Variants in COX7B2 observed in about 807,000 individuals in gnomAD.
COX7B2 encodes cytochrome c oxidase subunit 7B2, mitochondrial.
For synonymous variants in COX7B2, 37 were observed against 32.1 expected, an observed-to-expected ratio of 1.15 and a Z score of -0.51; for missense variants, 109 against 95.9, an observed-to-expected ratio of 1.14 and a Z score of -0.57.
At chr4:46,836,549 T>C (rs1355714641) in intron 2 of COX7B2, among the ~76,000 whole-genome samples, 2 of 151,630 alleles carry the variant, frequency 1.3e-5, no homozygotes, top group Non-Finnish European at 2.9e-5. Context: ...TTCTGGAATA[T>C]CCTATGGAAT....
intron 1 of COX7B2, among the ~76,000 whole-genome samples, chr4:46,881,762 G>A (rs1366350379): frequency 6.6e-6 from 1 of 152,136 alleles, no homozygotes; most frequent in Non-Finnish European, 1.5e-5. Context: ...TTTGCCCTAA[G>A]CAGTTTCCAG....
Position 46,905,814 on chromosome 4 carries a change from C to CTTTTTTTTTTT in COX7B2, c.-105+3335_-105+3345dup, listed in dbSNP as rs761904309. Among the ~76,000 whole-genome samples the CTTTTTTTTTTT allele has an allele frequency of 1.1e-3, 80 of 71,686 alleles. 7 individuals are homozygous for CTTTTTTTTTTT. The highest frequency in any genetic ancestry group is 6.2e-3 in the East Asian group (13 of 2,086). 47.0% of individuals were successfully genotyped at this position (71,686 alleles called of 152,430 possible). A position where few individuals can be genotyped will look rare whatever the true frequency, so the allele number is the denominator to read the frequency against. On this transcript the variant is annotated intron_variant, in intron 1 of 2. Coordinates refer to ENST00000355591, the MANE Select transcript of COX7B2 (RefSeq NM_130902.3). The stretch of plus-strand genomic sequence containing the variant: ...TACCATCTCTGATAAGCATATATTT[C>CTTTTTTTTTTT]TTTTTTTTTTTTTTTTTTTTTTTTT...
chr4:46,740,334 G>A (rs1714630002), intron 2 of COX7B2, among the ~76,000 whole-genome samples: 1 of 152,024 alleles, frequency 6.6e-6, no homozygotes, highest in South Asian at 2.1e-4. Context: ...CTGTTAACAT[G>A]ACAAATTTGA....
intron 1 of COX7B2, among the ~76,000 whole-genome samples, chr4:46,883,846 C>T (rs1375989391): frequency 3.3e-5 from 5 of 151,562 alleles, no homozygotes; most frequent in African/African-American, 9.7e-5. Context: ...AACCTGCTTT[C>T]AGAATGAAGT....
At chr4:46,902,188 T>C (rs1181314152) in intron 1 of COX7B2, among the ~76,000 whole-genome samples, 1 of 152,134 alleles carries the variant, frequency 6.6e-6, no homozygotes, top group South Asian at 2.1e-4. Context: ...CCCTGTAAAA[T>C]GGAAGAGCAG....
chr4:46,883,631 G>C (rs980416423), intron 1 of COX7B2, among the ~76,000 whole-genome samples: 1 of 151,968 alleles, frequency 6.6e-6, no homozygotes. Flanking sequence ...CCAGCTACTC[G>C]GGAGGCTGAA....
At chr4:46,904,329 A>G (rs906226154) in intron 1 of COX7B2, among the ~76,000 whole-genome samples, 1 of 152,190 alleles carries the variant, frequency 6.6e-6, no homozygotes, top group Non-Finnish European at 1.5e-5. Flanking sequence ...CATCATATAA[A>G]AAGAGCAGCT....
intron 2 of COX7B2, among the ~76,000 whole-genome samples, chr4:46,798,696 G>T (rs1021453158): frequency 2.6e-5 from 4 of 152,130 alleles, no homozygotes; most frequent in African/African-American, 9.7e-5. Context: ...GACCTGAGTT[G>T]CCCTTCATAA....
At chr4:46,776,810 G>C (rs1717177616) in intron 2 of COX7B2, among the ~76,000 whole-genome samples, 4 of 152,056 alleles carry the variant, frequency 2.6e-5, no homozygotes, top group African/African-American at 9.7e-5. Flanking sequence ...ACTTACAAAA[G>C]CAACATAGGA....
At chr4:46,770,075 G>A (rs1716784796) in intron 2 of COX7B2, among the ~76,000 whole-genome samples, 1 of 152,144 alleles carries the variant, frequency 6.6e-6, no homozygotes, top group Admixed American at 6.5e-5. Flanking sequence ...GTTTGCAGAT[G>A]ACATGATCTT....
intron 1 of COX7B2, among the ~76,000 whole-genome samples, chr4:46,888,667 C>T (rs1162037618): frequency 5.3e-5 from 8 of 152,086 alleles, no homozygotes; most frequent in Admixed American, 1.3e-4. Context: ...AGGATGGTCT[C>T]GATCTCCTGA....
chr4:46,791,034 C>T (rs547650514), intron 2 of COX7B2, among the ~76,000 whole-genome samples: 1 of 152,286 alleles, frequency 6.6e-6, no homozygotes, highest in African/African-American at 2.4e-5. Context: ...CAATCTTGCT[C>T]TGCCACCCAG....
intron 2 of COX7B2, among the ~76,000 whole-genome samples, chr4:46,840,725 A>T (rs531049539): frequency 1.3e-5 from 2 of 152,188 alleles, no homozygotes; most frequent in South Asian, 4.1e-4. Flanking sequence ...CTGTGATACA[A>T]TAATACCTGC....
intron 1 of COX7B2, among the ~76,000 whole-genome samples, chr4:46,898,502 C>T (rs1719903302): frequency 6.6e-6 from 1 of 152,174 alleles, no homozygotes. Context: ...ACCGCAACCT[C>T]ATTCTCTTGG....
intron 1 of COX7B2, among the ~76,000 whole-genome samples, chr4:46,887,901 TGTC>T (rs1317666645): frequency 2.0e-5 from 3 of 152,058 alleles, no homozygotes; most frequent in Admixed American, 2.0e-4. Context: ...TGGATTCTGT[TGTC>T]GTCTCCTAGA....
At chr4:46,767,584 T>A (rs1716619001) in intron 2 of COX7B2, among the ~76,000 whole-genome samples, 1 of 152,132 alleles carries the variant, frequency 6.6e-6, no homozygotes, top group South Asian at 2.1e-4. Context: ...ATTCTCCAGG[T>A]TAGATATTAT....
intron 2 of COX7B2, among the ~76,000 whole-genome samples, chr4:46,816,344 AC>A (rs1719550351): frequency 6.6e-6 from 1 of 151,878 alleles, no homozygotes; most frequent in African/African-American, 2.4e-5. Context: ...GCCTTGAATG[AC>A]CCCTCTTAAT....
chr4:46,810,955 C>G (rs1171146544), intron 2 of COX7B2, among the ~76,000 whole-genome samples: 2 of 152,110 alleles, frequency 1.3e-5, no homozygotes, highest in Non-Finnish European at 2.9e-5. Context: ...CCTTTCAGCA[C>G]TTTGACAATA....
At chr4:46,808,039 T>C (rs1166278034) in intron 2 of COX7B2, among the ~76,000 whole-genome samples, 2 of 151,858 alleles carry the variant, frequency 1.3e-5, no homozygotes, top group Admixed American at 6.6e-5. Flanking sequence ...TTTAAAGTTG[T>C]TGTTTCTATT....
Sources: allele counts gnomAD v4.1 joint callset (sites outside exome capture counted in the v4.1 genomes callset), GRCh38; gene constraint gnomAD v4.1.1; transcripts MANE v1.5; gene names NCBI Gene and HGNC (gene_info 2026-07-23, HGNC 2026-07-21).